Variants in STC1 observed in about 807,000 individuals in gnomAD.
STC1 encodes stanniocalcin 1, also known as stanniocalcin-1.
STC1 carries 7 observed loss-of-function variants against 22.6 expected under a neutral mutation model. That is an observed-to-expected ratio of 0.31 (90% CI 0.18 to 0.58). STC1 has a LOEUF of 0.58. STC1 is among the 20% of genes least tolerant of loss of function. The pLI is 0.89. For synonymous variants in STC1, 113 were observed against 120.7 expected (o/e 0.94, Z 0.42); for missense variants, 224 against 311.0 (o/e 0.72, Z 2.10).
Position 23,844,807 on chromosome 8 carries a change from G to A in STC1, c.707C>T (p.Pro236Leu). 2 of 1,614,098 alleles carry A rather than the reference G, an allele frequency of 1.2e-6. No homozygotes were observed. The highest frequency in any genetic ancestry group is 1.7e-6 in the Non-Finnish European group (2 of 1,180,016). The change falls in exon 4 of 4, where the codon CCC (proline) becomes CTC (leucine). Residue 236 changes from proline (P) to leucine (L), a missense_variant. Physicochemically the swap from Pro to Leu is moderately conservative, Grantham distance 98. Coordinates refer to ENST00000290271, the MANE Select transcript of STC1 (RefSeq NM_003155.3). ...LRNLRGEEDS[P>L]SHIKRTSHES... ...ATGGGATGTGCGTTTGATGTGGGAGGGAGAGTCCTCCTCACCTCGGAGGTT... is the reference window on the plus strand; with the variant it reads ...ATGGGATGTGCGTTTGATGTGGGAGAGAGAGTCCTCCTCACCTCGGAGGTT...
intron 3 of STC1, among the ~76,000 whole-genome samples, chr8:23,847,107 C>A (rs1271024748): frequency 6.6e-6 from 1 of 152,190 alleles, no homozygotes; most frequent in Admixed American, 6.5e-5. Flanking sequence ...CCAGATGAGT[C>A]CCCAGATAGG....
At position 23,843,065 on chromosome 8, in the gene STC1, A is replaced by G. The variant is rs1321186719; in HGVS notation, c.*1705T>C. Reference sequence around the variant, plus strand: ...TGAGAGTCAAGCACCAATAGTTTCTACCTAAGCGAGTTTGGAGTGGCCCCT... The same window carrying G: ...TGAGAGTCAAGCACCAATAGTTTCTGCCTAAGCGAGTTTGGAGTGGCCCCT... On this transcript the variant is annotated 3_prime_UTR_variant, in exon 4 of 4. Coordinates refer to ENST00000290271, the MANE Select transcript of STC1 (RefSeq NM_003155.3). 2 of 152,514 alleles carry G rather than the reference A, an allele frequency of 1.3e-5. No individual in the cohort carries two copies. Among genetic ancestry groups the G allele is most frequent in the African/African-American group, 4.8e-5 (2 of 41,380 alleles). 9.4% of individuals were successfully genotyped at this position (152,514 alleles called of 1,614,324 possible).
At position 23,854,574 on chromosome 8, in the gene STC1, C is replaced by G; in HGVS notation, c.-51G>C. 3 of 1,440,118 alleles carry G rather than the reference C, an allele frequency of 2.1e-6. No homozygotes were observed. Among genetic ancestry groups the G allele is most frequent in the Non-Finnish European group, 2.9e-6 (3 of 1,022,260 alleles). 89.2% of individuals were successfully genotyped at this position (1,440,118 alleles called of 1,614,324 possible). ...TTGGGTTTTTTTTTTTTCCTGCCCC[C>G]CTTTCCTCTTTCCCTCTCCTGGCTT... is the stretch of plus-strand genomic sequence containing the variant. On this transcript the variant is annotated 5_prime_UTR_variant, in exon 1 of 4. Transcript: ENST00000290271.
chr8:23,854,374 G>A lies in STC1; in HGVS notation c.118+32C>T, dbSNP rs746186416. Reference sequence around the variant, plus strand: ...AGAGGCAAATGAGGACAGCTCTTTGGGGGAGAAACCGCTCTTGGGTTTGCT... The same window carrying A: ...AGAGGCAAATGAGGACAGCTCTTTGAGGGAGAAACCGCTCTTGGGTTTGCT... On this transcript the variant is annotated intron_variant, in intron 1 of 3. Transcript: ENST00000290271. The A allele has an allele frequency of 3.3e-5, 53 of 1,584,108 alleles. No individual in the cohort carries two copies. The Admixed American group carries it at 6.7e-4, about 20-fold the overall frequency.
intron 3 of STC1, among the ~76,000 whole-genome samples, chr8:23,849,398 G>A (rs1167286207): frequency 1.3e-5 from 2 of 151,998 alleles, no homozygotes; most frequent in East Asian, 3.9e-4. Context: ...CGGTTTTCAA[G>A]GGCTGGCCAC....
At chr8:23,853,238 A>G (rs143431603) in intron 1 of STC1, among the ~76,000 whole-genome samples, 192 of 152,338 alleles carry the variant, frequency 1.3e-3, no homozygotes, top group African/African-American at 4.4e-3. Flanking sequence ...AATGATCTGC[A>G]GCCTTCATGC....
In STC1 at chr8:23,854,581, T is replaced by A; in HGVS notation, c.-58A>T. ...TTTTTTTTTTCCTGCCCCCCTTTCC[T>A]CTTTCCCTCTCCTGGCTTGAGTGAA... On this transcript the variant is annotated 5_prime_UTR_variant, in exon 1 of 4. Coordinates refer to ENST00000290271, the MANE Select transcript of STC1 (RefSeq NM_003155.3). 7.3e-7 allele frequency: 1 copy of A among 1,363,126 alleles called. No individual in the cohort carries two copies. Among genetic ancestry groups the A allele is most frequent in the East Asian group, 2.3e-5 (1 of 43,608 alleles). 84.4% of individuals were successfully genotyped at this position (1,363,126 alleles called of 1,614,324 possible). A position where few individuals can be genotyped will look rare whatever the true frequency, so the allele number is the denominator to read the frequency against.
In STC1 at chr8:23,842,502, A is replaced by AG. The variant is rs1301578760; in HGVS notation, c.*2267_*2268insC. ...TCACAGCCAAAAAAAAAAAAAAAAA[A>AG]AAAGAAAAGAAAAAAGGAAATCTAC... On this transcript the variant is annotated 3_prime_UTR_variant, in exon 4 of 4. Transcript: ENST00000290271. 4 of 151,312 alleles carry AG rather than the reference A, an allele frequency of 2.6e-5. No homozygotes were observed. The highest frequency in any genetic ancestry group is 3.9e-4 in the East Asian group (2 of 5,142). The allele number at this position is 151,312 out of a possible 1,614,324, so 9.4% of individuals were successfully genotyped here. A position where few individuals can be genotyped will look rare whatever the true frequency, so the allele number is the denominator to read the frequency against.
chr8:23,848,887 T>G (rs760524078), intron 3 of STC1, among the ~76,000 whole-genome samples: 7 of 152,228 alleles, frequency 4.6e-5, no homozygotes, highest in Non-Finnish European at 8.8e-5. Flanking sequence ...CCTAGAGAGT[T>G]GGAAGCTTTG....
At position 23,844,117 on chromosome 8, in the gene STC1, G is replaced by A. The variant is rs3824220; in HGVS notation, c.*653C>T. On this transcript the variant is annotated 3_prime_UTR_variant, in exon 4 of 4. Transcript: ENST00000290271. ...TTAAAGCTCTGAGCAGTTACAGTAC[G>A]TAAAGATGTTAGCTTTTTGTTTTTC... 0.17 allele frequency: 26,142 copies of A among 153,748 alleles called. 2,358 individuals are homozygous for A. Among genetic ancestry groups the A allele is most frequent in the Admixed American group, 0.21 (3,240 of 15,518 alleles). 9.5% of individuals were successfully genotyped at this position (153,748 alleles called of 1,614,324 possible).
chr8:23,844,896 G>A lies in STC1; in HGVS notation c.618C>T (p.His206=). The change falls in exon 4 of 4, where the codon CAC becomes CAT. Residue 206 remains histidine (H), a synonymous_variant. Coordinates refer to ENST00000290271, the MANE Select transcript of STC1 (RefSeq NM_003155.3). ...ILQTDHCAQT[H]PRADFNRRRT... The stretch of plus-strand genomic sequence containing the variant: ...GTCTCCTGTTGAAGTCAGCTCGTGG[G>A]TGTGTTTGGGCACAGTGGTCTGTCT... The A allele has an allele frequency of 6.2e-7, 1 of 1,614,134 alleles. No individual in the cohort carries two copies. The highest frequency in any genetic ancestry group is 8.5e-7 in the Non-Finnish European group (1 of 1,180,026).
intron 3 of STC1, 46 bp downstream of exon 3, chr8:23,851,274 C>T (rs774619073): frequency 5.6e-6 from 9 of 1,603,510 alleles, no homozygotes; most frequent in East Asian, 2.2e-5. Context: ...CAGCCAGCCA[C>T]CTGCTCCCAG....
Position 23,851,386 on chromosome 8 carries a change from C to T in STC1, c.407G>A (p.Ser136Asn), listed in dbSNP as rs186260860. ...GGCTTCAGGGTTCCGCTTGGCGATG[C>T]TGCACACATTCAGCTTGCTGTAGCA... ...EECYSKLNVC[S>N]IAKRNPEAIT... Residue 136 changes from serine (S) to asparagine (N), a missense_variant, in exon 3 of 4, where the codon AGC (serine) becomes AAC (asparagine). Ser to Asn is a conservative substitution (Grantham distance 46). Transcript: ENST00000290271. 5 of 1,614,186 alleles carry T rather than the reference C, an allele frequency of 3.1e-6. No individual in the cohort carries two copies. The highest frequency in any genetic ancestry group is 2.2e-5 in the East Asian group (1 of 44,866).
At chr8:23,851,589 G>T in intron 2 of STC1, 58 bp from the exon 3 acceptor site, 1 of 1,529,202 alleles carries the variant, frequency 6.5e-7, no homozygotes, top group Non-Finnish European at 9.0e-7. Context: ...AAGAGGATGG[G>T]CATATACATG....
At chr8:23,853,123 C>T (rs1382019262) in intron 1 of STC1, among the ~76,000 whole-genome samples, 1 of 152,176 alleles carries the variant, frequency 6.6e-6, no homozygotes, top group African/African-American at 2.4e-5. Flanking sequence ...TGGAAGAAAA[C>T]CGCAAAAAAC....
In STC1 at chr8:23,854,645, T is replaced by G; in HGVS notation, c.-122A>C. On this transcript the variant is annotated 5_prime_UTR_variant, in exon 1 of 4. Transcript: ENST00000290271. ...ATACACTGAAAGCTTAGGTGAGGAT[T>G]TGATGAGGATTTTTTTTTGTTGTTG... is the stretch of plus-strand genomic sequence containing the variant. The G allele has an allele frequency of 1.1e-6, 1 of 912,064 alleles. No homozygotes were observed. Among genetic ancestry groups the G allele is most frequent in the Non-Finnish European group, 1.8e-6 (1 of 550,500 alleles). The allele number at this position is 912,064 out of a possible 1,614,324, so 56.5% of individuals were successfully genotyped here. A position where few individuals can be genotyped will look rare whatever the true frequency, so the allele number is the denominator to read the frequency against.
intron 3 of STC1, among the ~76,000 whole-genome samples, chr8:23,850,130 C>T (rs1473573396): frequency 6.6e-6 from 1 of 152,196 alleles, no homozygotes; most frequent in Admixed American, 6.5e-5. Context: ...TTTTACACAG[C>T]GTTTGTGTTA....
intron 1 of STC1, among the ~76,000 whole-genome samples, chr8:23,852,707 T>C (rs1181889052): frequency 6.6e-6 from 1 of 152,134 alleles, no homozygotes; most frequent in Non-Finnish European, 1.5e-5. Flanking sequence ...CTTTAAGCCA[T>C]TCCATAGAAT....
At chr8:23,854,345 A>G (rs1024251735) in intron 1 of STC1, 61 bp downstream of exon 1, 1 of 1,435,950 alleles carries the variant, frequency 7.0e-7, no homozygotes, top group Non-Finnish European at 9.8e-7. Context: ...CAGTTGCAAA[A>G]GGGAGAGGCA....
Sources: gnomAD v4.1 joint callset for allele counts (sites outside exome capture counted in the v4.1 genomes callset) on GRCh38, gnomAD v4.1.1 for gene constraint, MANE v1.5 for transcripts, NCBI Gene and HGNC (gene_info 2026-07-23, HGNC 2026-07-21) for gene names.